HDAC3: variants seen among roughly 807,000 people sequenced by gnomAD.
HDAC3 encodes the protein histone deacetylase 3.
HDAC3 carries 21 observed loss-of-function variants against 62.3 expected under a neutral mutation model. That is an observed-to-expected ratio of 0.34 (90% CI 0.24 to 0.49). HDAC3 has a LOEUF of 0.49. Ranked by LOEUF, HDAC3 falls within the 20% of genes least tolerant of loss-of-function variation. The pLI is 0.99. For missense variants in HDAC3, 270 were observed against 556.9 expected (o/e 0.48, Z 5.19); for synonymous variants, 198 against 206.5 (o/e 0.96, Z 0.35).
intron 3 of HDAC3, among the ~76,000 whole-genome samples, chr5:141,632,742 G>A (rs770595973): frequency 6.6e-5 from 10 of 152,176 alleles, no homozygotes; most frequent in Admixed American, 2.0e-4. Flanking sequence ...GTCAAGAAAG[G>A]TTTCATGGAG....
In HDAC3 at chr5:141,628,764, G is replaced by C. The variant is rs1411451681; in HGVS notation, c.611-125C>G. 4.4e-6 allele frequency: 3 copies of C among 685,404 alleles called. No homozygotes were observed. Among genetic ancestry groups the C allele is most frequent in the Non-Finnish European group, 7.5e-6 (3 of 399,534 alleles). 42.5% of individuals were successfully genotyped at this position (685,404 alleles called of 1,614,324 possible). A position where few individuals can be genotyped will look rare whatever the true frequency, so the allele number is the denominator to read the frequency against. On this transcript the variant is annotated intron_variant, in intron 7 of 14. Coordinates refer to ENST00000305264, the MANE Select transcript of HDAC3 (RefSeq NM_003883.4). This position sits in a 1 kb window ranked among gnomAD's most constrained non-coding sequence, Gnocchi z 4.7. ...GTAGCTTCACCATAAACTCCCTAGA[G>C]CCACTAAATCTCTTGCAGCTTGCAT...
chr5:141,622,042 C>T (rs971007868), intron 14 of HDAC3, among the ~76,000 whole-genome samples: 2 of 152,100 alleles, frequency 1.3e-5, no homozygotes, highest in Admixed American at 6.5e-5. Context: ...CTGATGTATT[C>T]CAGTAAGAAC....
chr5:141,636,407 C>G (rs566218549), intron 2 of HDAC3, 141 bp downstream of exon 2: 2 of 727,254 alleles, frequency 2.8e-6, no homozygotes, highest in East Asian at 2.7e-5. Flanking sequence ...CCTGCACTTT[C>G]AAGGTACTCC....
Position 141,636,838 on chromosome 5 carries a change from G to C in HDAC3, c.-48C>G, listed in dbSNP as rs776407191. ...GCACCTCCGCCGCCCGCCGCCCGCG[G>C]CCGCCGCCAGCCCCTCCCCGGCCGT... On this transcript the variant is annotated 5_prime_UTR_variant, in exon 1 of 15. Coordinates refer to ENST00000305264, the MANE Select transcript of HDAC3 (RefSeq NM_003883.4). 4.3e-6 allele frequency: 6 copies of C among 1,393,458 alleles called. No homozygotes were observed. Among genetic ancestry groups the C allele is most frequent in the Admixed American group, 6.7e-5 (2 of 29,740 alleles). The allele number at this position is 1,393,458 out of a possible 1,614,324, so 86.3% of individuals were successfully genotyped here. A position where few individuals can be genotyped will look rare whatever the true frequency, so the allele number is the denominator to read the frequency against.
intron 3 of HDAC3, among the ~76,000 whole-genome samples, chr5:141,631,521 A>G (rs1340343058): frequency 2.0e-5 from 3 of 152,242 alleles, no homozygotes; most frequent in African/African-American, 7.2e-5. Context: ...AATTACTATG[A>G]AGCTGAAAGG....
At chr5:141,632,694 T>TG (rs1291342949) in intron 3 of HDAC3, among the ~76,000 whole-genome samples, 3 of 152,166 alleles carry the variant, frequency 2.0e-5, no homozygotes, top group African/African-American at 7.2e-5. Flanking sequence ...AAATGAGCAG[T>TG]GCAGTGTGTG....
chr5:141,636,686 C>A, intron 1 of HDAC3, 50 bp downstream of exon 1: 3 of 1,613,116 alleles, frequency 1.9e-6, no homozygotes, highest in Non-Finnish European at 2.5e-6. Flanking sequence ...TGCAACCCCG[C>A]CTCAAAACCT....
Position 141,629,236 on chromosome 5 carries a change from G to A in HDAC3, c.547C>T (p.Leu183Phe), listed in dbSNP as rs1411316314. Residue 183 changes from leucine (L) to phenylalanine (F), a missense_variant, in exon 7 of 15, where the codon CTC becomes TTC. Transcript: ENST00000305264. The surrounding 1 kb of genome is among the most constrained non-coding windows in gnomAD (Gnocchi z 5.3). Reference sequence around the variant, plus strand: ...GACACCGTCATGACCCGGTCAGTGAGGTAGAAAGCTTCTTGAACCCCGTCA... The same window carrying A: ...GACACCGTCATGACCCGGTCAGTGAAGTAGAAAGCTTCTTGAACCCCGTCA... The part of the protein sequence containing the change: ...HGDGVQEAFY[L>F]TDRVMTVSFH... 6.2e-7 allele frequency: 1 copy of A among 1,614,164 alleles called. No homozygotes were observed. The highest frequency in any genetic ancestry group is 8.5e-7 in the Non-Finnish European group (1 of 1,180,012).
Position 141,629,065 on chromosome 5 carries a change from G to T in HDAC3, c.610+108C>A. The T allele has an allele frequency of 1.1e-5, 12 of 1,129,380 alleles. No homozygotes were observed. In the South Asian group the frequency reaches 1.6e-4, roughly 15 times the overall value. The allele number at this position is 1,129,380 out of a possible 1,614,324, so 70.0% of individuals were successfully genotyped here. A position where few individuals can be genotyped will look rare whatever the true frequency, so the allele number is the denominator to read the frequency against. On this transcript the variant is annotated intron_variant, in intron 7 of 14. Transcript: ENST00000305264. This position sits in a 1 kb window ranked among gnomAD's most constrained non-coding sequence, Gnocchi z 5.3. ...ATGATAACTGGAGTGGTAAGGAAAG[G>T]CTTCTCTGAGGAGGGGACACCTGAG...
chr5:141,634,224 G>T (rs571048579), intron 3 of HDAC3, among the ~76,000 whole-genome samples: 1 of 151,844 alleles, frequency 6.6e-6, no homozygotes, highest in Non-Finnish European at 1.5e-5. Flanking sequence ...TCTACTCTAC[G>T]GGTAAAAACC....
At chr5:141,623,087 C>T (rs550990498) in intron 14 of HDAC3, among the ~76,000 whole-genome samples, 1 of 152,210 alleles carries the variant, frequency 6.6e-6, no homozygotes, top group Admixed American at 6.5e-5. Context: ...CATGCCATTG[C>T]ACTCCAGCCT....
At chr5:141,633,767 A>G (rs980227166) in intron 3 of HDAC3, among the ~76,000 whole-genome samples, 3 of 148,222 alleles carry the variant, frequency 2.0e-5, no homozygotes, top group Non-Finnish European at 4.4e-5. Flanking sequence ...CAGAGGTTGC[A>G]GTGAGCCAAG....
intron 3 of HDAC3, among the ~76,000 whole-genome samples, chr5:141,632,636 CT>C (rs2099905388): frequency 6.6e-6 from 1 of 152,142 alleles, no homozygotes; most frequent in Non-Finnish European, 1.5e-5. Flanking sequence ...AGCAGGAATA[CT>C]AACAAAAAAA....
At chr5:141,631,582 T>C (rs1473539239) in intron 3 of HDAC3, among the ~76,000 whole-genome samples, 1 of 152,154 alleles carries the variant, frequency 6.6e-6, no homozygotes, top group Non-Finnish European at 1.5e-5. Flanking sequence ...TCATATCCCA[T>C]ACTAAAAGCT....
Position 141,628,687 on chromosome 5 carries a change from C to G in HDAC3, c.611-48G>C, listed in dbSNP as rs372320072. On this transcript the variant is annotated intron_variant, in intron 7 of 14. Coordinates refer to ENST00000305264, the MANE Select transcript of HDAC3 (RefSeq NM_003883.4). The surrounding 1 kb of genome is among the most constrained non-coding windows in gnomAD (Gnocchi z 4.7). ...AGCCACACATGGGAAGCACCCACAA[C>G]CCAGCTGTTTCAGCCCCAATCTGCA... The G allele has an allele frequency of 4.4e-5, 64 of 1,462,628 alleles. No homozygotes were observed. Among genetic ancestry groups the G allele is most frequent in the Non-Finnish European group, 5.9e-5 (62 of 1,046,496 alleles). 90.6% of individuals were successfully genotyped at this position (1,462,628 alleles called of 1,614,324 possible). A position where few individuals can be genotyped will look rare whatever the true frequency, so the allele number is the denominator to read the frequency against.
chr5:141,630,663 G>C (rs2099905074), intron 3 of HDAC3, among the ~76,000 whole-genome samples: 1 of 152,130 alleles, frequency 6.6e-6, no homozygotes, highest in Non-Finnish European at 1.5e-5. Context: ...AAAAAGTAAA[G>C]GCTTGAAGCC....
chr5:141,629,818 C>T lies in HDAC3; in HGVS notation c.420+42G>A. Reference sequence around the variant, plus strand: ...CCCCCACCATCATCCTAAACACCTACCCTAGGATGGCCACTGTCTTTCCCA... The same window carrying T: ...CCCCCACCATCATCCTAAACACCTATCCTAGGATGGCCACTGTCTTTCCCA... On this transcript the variant is annotated intron_variant, in intron 5 of 14. Transcript: ENST00000305264. The surrounding 1 kb of genome is among the most constrained non-coding windows in gnomAD (Gnocchi z 5.3). 1.2e-6 allele frequency: 2 copies of T among 1,610,522 alleles called. No homozygotes were observed. The highest frequency in any genetic ancestry group is 1.7e-6 in the Non-Finnish European group (2 of 1,176,764).
intron 3 of HDAC3, among the ~76,000 whole-genome samples, chr5:141,630,486 T>C (rs1053194580): frequency 6.6e-6 from 1 of 152,228 alleles, no homozygotes; most frequent in Non-Finnish European, 1.5e-5. Context: ...AATTTTAGCA[T>C]AATGTTCAAT....
chr5:141,636,754 C>A lies in HDAC3; in HGVS notation c.37G>T (p.Val13Leu). 1 of 1,614,070 alleles carries A rather than the reference C, an allele frequency of 6.2e-7. No homozygotes were observed. Among genetic ancestry groups the A allele is most frequent in the Non-Finnish European group, 8.5e-7 (1 of 1,179,920 alleles). The change falls in exon 1 of 15, where the codon GTG becomes TTG. Residue 13 changes from valine (V) to leucine (L), a missense_variant. Transcript: ENST00000305264. ...TCCTCACCGTAGTGGAAGTTGCCCA[C>A]GTCGGGGTCGTAGAAATAGGCCACG... ...KTVAYFYDPD[V>L]GNFHYGAGHP...
Sources: gnomAD v4.1 joint callset for allele counts (sites outside exome capture counted in the v4.1 genomes callset) on GRCh38, gnomAD v4.1.1 for gene constraint, Gnocchi (gnomAD v3.1) non-coding constraint, MANE v1.5 for transcripts, NCBI Gene and HGNC (gene_info 2026-07-23, HGNC 2026-07-21) for gene names.